Variants in USH2A observed in about 807,000 individuals in gnomAD.
USH2A encodes the protein usherin.
USH2A carries 443 observed loss-of-function variants against 538.9 expected under a neutral mutation model. That is an observed-to-expected ratio of 0.82 (90% confidence interval 0.76 to 0.89). The LOEUF (loss-of-function observed/expected upper bound fraction) is 0.89, where lower values mean the gene tolerates loss of function less well. USH2A is among the 40% of genes least tolerant of loss of function. The pLI, the probability that USH2A is intolerant of heterozygous loss-of-function variation, is 0.00. For synonymous variants in USH2A, 2,413 were observed against 2,273.5 expected, an observed-to-expected ratio of 1.06 and a Z score of -1.75; for missense variants, 6,633 against 6,324.8, an observed-to-expected ratio of 1.05 and a Z score of -1.65.
At chr1:216,255,669 T>C (rs534550644) in intron 11 of USH2A, among the ~76,000 whole-genome samples, 7 of 152,268 alleles carry the variant, frequency 4.6e-5, no homozygotes, top group African/African-American at 1.7e-4. Context: ...TGGTAGATGT[T>C]TTGTGTAGGC....
chr1:215,946,006 CA>C (rs1666749453), intron 37 of USH2A, among the ~76,000 whole-genome samples: 1 of 152,036 alleles, frequency 6.6e-6, no homozygotes, highest in South Asian at 2.1e-4. Context: ...CTGAACTAGC[CA>C]AAAGAAGTCA....
chr1:216,322,140 G>A (rs76183868), intron 8 of USH2A, among the ~76,000 whole-genome samples, 164 bp from the exon 9 acceptor site: 20 of 152,222 alleles, frequency 1.3e-4, no homozygotes, highest in Admixed American at 3.3e-4. Flanking sequence ...ATCCATACAC[G>A]TTTTTAATTT....
intron 58 of USH2A, among the ~76,000 whole-genome samples, chr1:215,748,554 G>A (rs898692450): frequency 2.6e-5 from 4 of 152,180 alleles, no homozygotes; most frequent in African/African-American, 9.7e-5. Context: ...GACCTCCTGG[G>A]ATTGCATATT....
chr1:216,088,147 C>T (rs904101659), intron 23 of USH2A, among the ~76,000 whole-genome samples: 1 of 152,074 alleles, frequency 6.6e-6, no homozygotes, highest in Non-Finnish European at 1.5e-5. Context: ...GCTGTCCTCG[C>T]AACCCAAAGC....
intron 3 of USH2A, among the ~76,000 whole-genome samples, chr1:216,379,229 A>G (rs17657634): frequency 0.1 from 15,476 of 152,242 alleles, 1,122 homozygotes; most frequent in Non-Finnish European, 0.15. Context: ...TGTAAGCTCT[A>G]TGCGTGCAGC....
intron 3 of USH2A, among the ~76,000 whole-genome samples, chr1:216,368,336 C>A (rs551925321): frequency 6.6e-6 from 1 of 152,010 alleles, no homozygotes; most frequent in Non-Finnish European, 1.5e-5. Flanking sequence ...AAAATAGAAT[C>A]GAGTCCACCT....
At position 215,680,139 on chromosome 1, in the gene USH2A, T is replaced by C. The variant is rs200579315; in HGVS notation, c.12294+10A>G. 5 of 1,612,490 alleles carry C rather than the reference T, an allele frequency of 3.1e-6. No individual in the cohort carries two copies. In the African/African-American group the frequency reaches 4.0e-5, roughly 13 times the overall value. On this transcript the variant is annotated intron_variant, in intron 62 of 71. Coordinates refer to ENST00000307340, the MANE Select transcript of USH2A (RefSeq NM_206933.4). ...ACCAAACATAATTTCTTATGCAGGG[T>C]AGACATTACCTTAATCACACCATTG... is the stretch of plus-strand genomic sequence containing the variant.
intron 30 of USH2A, among the ~76,000 whole-genome samples, chr1:216,061,814 C>CTTAA (rs1173291259): frequency 3.9e-5 from 6 of 152,162 alleles, no homozygotes; most frequent in Admixed American, 2.6e-4. Context: ...CAAACCCAAA[C>CTTAA]TTAAACTGGA....
At chr1:216,215,370 T>C (rs1272162644) in intron 15 of USH2A, among the ~76,000 whole-genome samples, 1 of 152,108 alleles carries the variant, frequency 6.6e-6, no homozygotes, top group Non-Finnish European at 1.5e-5. Context: ...TAGCACTACA[T>C]TCCTTTCAAT....
At chr1:216,407,192 A>G (rs560983721) in intron 3 of USH2A, among the ~76,000 whole-genome samples, 2 of 152,224 alleles carry the variant, frequency 1.3e-5, no homozygotes, top group East Asian at 1.9e-4. Flanking sequence ...TGAACCAATT[A>G]TTTCTTTGTC....
At chr1:216,387,477 C>G (rs2039027051) in intron 3 of USH2A, among the ~76,000 whole-genome samples, 1 of 152,180 alleles carries the variant, frequency 6.6e-6, no homozygotes, top group Non-Finnish European at 1.5e-5. Flanking sequence ...GTTAAACTAT[C>G]CAAGACCAAT....
chr1:216,241,993 G>A (rs190142066), intron 13 of USH2A, among the ~76,000 whole-genome samples: 4 of 152,116 alleles, frequency 2.6e-5, no homozygotes, highest in East Asian at 1.9e-4. Context: ...AAGTATTATC[G>A]TATTTTATTT....
At chr1:215,798,827 T>C in intron 50 of USH2A, 80 bp downstream of exon 50, 2 of 1,538,052 alleles carry the variant, frequency 1.3e-6, no homozygotes, top group Admixed American at 1.7e-5. Flanking sequence ...TACTTATTTG[T>C]TTTATTTCTA....
At chr1:216,136,894 T>C (rs1290752550) in intron 21 of USH2A, among the ~76,000 whole-genome samples, 2 of 152,102 alleles carry the variant, frequency 1.3e-5, no homozygotes, top group East Asian at 1.9e-4. Flanking sequence ...TCAGAAGATA[T>C]CAATCCTGCT....
rs751479180 is a variant in USH2A at position 216,196,680 on chromosome 1, G to A, written c.4124C>T (p.Ser1375Leu). The A allele has an allele frequency of 1.1e-5, 17 of 1,613,264 alleles. No individual in the cohort carries two copies. Among genetic ancestry groups the A allele is most frequent in the Admixed American group, 1.7e-5 (1 of 59,962 alleles). Residue 1375 changes from serine (S) to leucine (L), a missense_variant, in exon 19 of 72, where the codon TCG becomes TTG. Coordinates refer to ENST00000307340, the MANE Select transcript of USH2A (RefSeq NM_206933.4). ...MIPPSVFPLS[S>L]YSLNISWEKP... ...CTCCCAGGAGATATTGAGAGAGTAC[G>A]AAGAGAGGGGAAAGACTGAAGGAGG...
At chr1:216,405,501 T>G (rs1052549910) in intron 3 of USH2A, among the ~76,000 whole-genome samples, 25 of 152,180 alleles carry the variant, frequency 1.6e-4, no homozygotes, top group Admixed American at 1.2e-3. Context: ...TCTATCAGAA[T>G]GGCTAAAATG....
At chr1:216,405,910 A>G (rs73102509) in intron 3 of USH2A, among the ~76,000 whole-genome samples, 11,875 of 152,264 alleles carry the variant, frequency 0.078, 1,210 homozygotes, top group African/African-American at 0.24. Flanking sequence ...GTTGAGTAAA[A>G]AAGAAAGAAA....
At chr1:216,096,507 C>T (rs2032443932) in intron 22 of USH2A, among the ~76,000 whole-genome samples, 1 of 152,156 alleles carries the variant, frequency 6.6e-6, no homozygotes. Context: ...ATTGACAACT[C>T]AGAAAACAAT....
chr1:215,765,562 T>A (rs1441178463), intron 56 of USH2A, among the ~76,000 whole-genome samples: 1 of 152,158 alleles, frequency 6.6e-6, no homozygotes, highest in African/African-American at 2.4e-5. Context: ...AGGCAGATAA[T>A]GAAGATTAAC....
Sources: gnomAD v4.1 joint callset for allele counts (sites outside exome capture counted in the v4.1 genomes callset) on GRCh38, gnomAD v4.1.1 for gene constraint, MANE v1.5 for transcripts, NCBI Gene and HGNC (gene_info 2026-07-23, HGNC 2026-07-21) for gene names.